LRRC3: variants seen among roughly 807,000 people sequenced by gnomAD.
The protein encoded by LRRC3 is leucine-rich repeat-containing protein 3.
For synonymous variants in LRRC3, 172 were observed against 164.1 expected, an observed-to-expected ratio of 1.05 and a Z score of -0.37; for missense variants, 351 against 361.6, an observed-to-expected ratio of 0.97 and a Z score of 0.24.
At chr21:44,456,058 G>A (rs1191571609) in intron 1 of LRRC3, among the ~76,000 whole-genome samples, 1 of 152,204 alleles carries the variant, frequency 6.6e-6, no homozygotes, top group Non-Finnish European at 1.5e-5. Flanking sequence ...GCGAGCGCCC[G>A]CTGGTGCCCG....
Position 44,461,238 on chromosome 21 carries a change from G to C in LRRC3, c.*3820G>C, listed in dbSNP as rs1364313137. 3 of 152,536 alleles carry C rather than the reference G, an allele frequency of 2.0e-5. No individual in the cohort carries two copies. Among genetic ancestry groups the C allele is most frequent in the Non-Finnish European group, 4.4e-5 (3 of 68,278 alleles). 9.4% of individuals were successfully genotyped at this position (152,536 alleles called of 1,614,324 possible). A position where few individuals can be genotyped will look rare whatever the true frequency, so the allele number is the denominator to read the frequency against. ...CACTCACGGCGCAGGCCCCACAGGA[G>C]CTGGCTGGAGGCTATGGGTGCGGGG... On this transcript the variant is annotated 3_prime_UTR_variant, in exon 2 of 2. Coordinates refer to ENST00000291592, the MANE Select transcript of LRRC3 (RefSeq NM_030891.6).
intron 1 of LRRC3, among the ~76,000 whole-genome samples, 194 bp downstream of exon 1, chr21:44,455,849 G>A (rs2051695071): frequency 6.6e-6 from 1 of 151,954 alleles, no homozygotes; most frequent in African/African-American, 2.4e-5. Flanking sequence ...CACGCCCAGC[G>A]CGGGCCGCGC....
Position 44,457,012 on chromosome 21 carries a change from A to C in LRRC3, c.368A>C (p.Asn123Thr). 2.5e-6 allele frequency: 4 copies of C among 1,606,162 alleles called. No individual in the cohort carries two copies. Among genetic ancestry groups the C allele is most frequent in the Non-Finnish European group, 3.4e-6 (4 of 1,179,724 alleles). ...CTGCGGCTGCTGGACCTGTCTTACA[A>C]CCGCATCCAGAGGATCCCCAAGGAC... ...GGLRLLDLSY[N>T]RIQRIPKDAL... Residue 123 changes from asparagine to threonine, a missense_variant, in exon 2 of 2, where the codon AAC becomes ACC. Coordinates refer to ENST00000291592, the MANE Select transcript of LRRC3 (RefSeq NM_030891.6).
rs1417070494 is a variant in LRRC3, at chr21:44,461,734, GGCAGCTCCTCCCGGGTGTCT to G, written c.*4320_*4339del. Reference sequence around the variant, plus strand: ...GGTCTGGAGTGGGGCTGCCGTCTTGGGCAGCTCCTCCCGGGTGTCTGCAAAATGCAGAGGTCACCAGAGCC... The same window carrying G: ...GGTCTGGAGTGGGGCTGCCGTCTTGGGCAAAATGCAGAGGTCACCAGAGCC... On this transcript the variant is annotated 3_prime_UTR_variant, in exon 2 of 2. Coordinates refer to ENST00000291592, the MANE Select transcript of LRRC3 (RefSeq NM_030891.6). The G allele has an allele frequency of 6.6e-6, 1 of 152,302 alleles. No individual in the cohort carries two copies. The highest frequency in any genetic ancestry group is 1.5e-5 in the Non-Finnish European group (1 of 68,100). 9.4% of individuals were successfully genotyped at this position (152,302 alleles called of 1,614,324 possible). A position where few individuals can be genotyped will look rare whatever the true frequency, so the allele number is the denominator to read the frequency against.
In LRRC3 at chr21:44,456,520, GCTTCTC is replaced by G; in HGVS notation, c.-123_-118del. 9.6e-7 allele frequency: 1 copy of G among 1,036,366 alleles called. No homozygotes were observed. The highest frequency in any genetic ancestry group is 1.4e-6 in the Non-Finnish European group (1 of 711,448). The allele number at this position is 1,036,366 out of a possible 1,614,324, so 64.2% of individuals were successfully genotyped here. A position where few individuals can be genotyped will look rare whatever the true frequency, so the allele number is the denominator to read the frequency against. On this transcript the variant is annotated 5_prime_UTR_variant, in exon 2 of 2. Transcript: ENST00000291592. ...CAGAGCTGCCAGAGTGGACTGCACT[GCTTCTC>G]CCAGCGGGGCAGGATGGCGGTTTCA...
rs551964762 is a variant in LRRC3 at position 44,458,833 on chromosome 21, G to T, written c.*1415G>T. ...AAGTGTAGGTATGTAGAGATGCTTC[G>T]CCAAACAGATGCTTAAAAATGAATG... On this transcript the variant is annotated 3_prime_UTR_variant, in exon 2 of 2. Transcript: ENST00000291592. 1.2e-5 allele frequency: 2 copies of T among 167,146 alleles called. No individual in the cohort carries two copies. The highest frequency in any genetic ancestry group is 4.8e-5 in the African/African-American group (2 of 41,544). The allele number at this position is 167,146 out of a possible 1,614,324, so 10.4% of individuals were successfully genotyped here. A position where few individuals can be genotyped will look rare whatever the true frequency, so the allele number is the denominator to read the frequency against.
rs780777807 is a variant in LRRC3, at chr21:44,457,041, C to T, written c.397C>T (p.Leu133=). The change falls in exon 2 of 2, where the codon CTG becomes TTG. Residue 133 remains leucine, a synonymous_variant. Coordinates refer to ENST00000291592, the MANE Select transcript of LRRC3 (RefSeq NM_030891.6). ...CATCCAGAGGATCCCCAAGGACGCC[C>T]TGGGCAAACTCAGCGCCAAGATACG... The part of the protein sequence containing the change: ...NRIQRIPKDA[L]GKLSAKIRLS... 4 of 1,606,290 alleles carry T rather than the reference C, an allele frequency of 2.5e-6. No homozygotes were observed. The highest frequency in any genetic ancestry group is 1.1e-5 in the South Asian group (1 of 91,018).
chr21:44,455,820 C>T (rs1456895171), intron 1 of LRRC3, among the ~76,000 whole-genome samples, 165 bp downstream of exon 1: 1 of 151,902 alleles, frequency 6.6e-6, no homozygotes, highest in African/African-American at 2.4e-5. Context: ...CGGCCGGCTC[C>T]GCGCGCGGCC....
chr21:44,456,791 C>T lies in LRRC3; in HGVS notation c.147C>T (p.Phe49=), dbSNP rs755936587. The T allele has an allele frequency of 2.5e-6, 4 of 1,611,646 alleles. No individual in the cohort carries two copies. The highest frequency in any genetic ancestry group is 3.4e-6 in the Non-Finnish European group (4 of 1,179,876). ...CPDHAGAVAV[F]CSLRGLQEVP... is the part of the protein sequence containing the mutation. ...ACCACGCAGGGGCTGTGGCTGTCTT[C>T]TGCAGCTTGCGGGGCCTTCAGGAGG... Residue 49 remains phenylalanine (F), a synonymous_variant, in exon 2 of 2, where the codon TTC becomes TTT. Coordinates refer to ENST00000291592, the MANE Select transcript of LRRC3 (RefSeq NM_030891.6).
In LRRC3 at chr21:44,457,116, T is replaced by A; in HGVS notation, c.472T>A (p.Trp158Arg). The A allele has an allele frequency of 6.2e-7, 1 of 1,612,308 alleles. No individual in the cohort carries two copies. Among genetic ancestry groups the A allele is most frequent in the Middle Eastern group, 1.7e-4 (1 of 6,056 alleles). Residue 158 changes from tryptophan (W) to arginine (R), a missense_variant, in exon 2 of 2, where the codon TGG becomes AGG. Coordinates refer to ENST00000291592, the MANE Select transcript of LRRC3 (RefSeq NM_030891.6). Reference protein sequence around the residue: ...HCECALQEALWELKLDPDSVD... With the variant: ...HCECALQEALRELKLDPDSVD... ...CGAGTGCGCCCTGCAGGAGGCCCTG[T>A]GGGAGCTGAAGCTGGACCCCGACTC...
chr21:44,460,438 C>T lies in LRRC3; in HGVS notation c.*3020C>T, dbSNP rs775091338. 1 of 152,444 alleles carries T rather than the reference C, an allele frequency of 6.6e-6. No individual in the cohort carries two copies. Among genetic ancestry groups the T allele is most frequent in the Non-Finnish European group, 1.5e-5 (1 of 68,210 alleles). The allele number at this position is 152,444 out of a possible 1,614,324, so 9.4% of individuals were successfully genotyped here. On this transcript the variant is annotated 3_prime_UTR_variant, in exon 2 of 2. Transcript: ENST00000291592. ...ATGCTGCACTGATTGCAAGAGTTTC[C>T]CACATCTGCAGAGGCCGTGGGCTCA...
In LRRC3 at chr21:44,456,967, T is replaced by A; in HGVS notation, c.323T>A (p.Phe108Tyr). ...NAIEAIGSAT[F>Y]AGLAGGLRLL... ...ATCGAGGCCATCGGCTCCGCCACCT[T>A]CGCGGGCCTGGCCGGGGGCCTGCGG... is the stretch of plus-strand genomic sequence containing the variant. Residue 108 changes from phenylalanine to tyrosine, a missense_variant, in exon 2 of 2, where the codon TTC (phenylalanine) becomes TAC (tyrosine). Coordinates refer to ENST00000291592, the MANE Select transcript of LRRC3 (RefSeq NM_030891.6). 6.2e-7 allele frequency: 1 copy of A among 1,607,928 alleles called. No individual in the cohort carries two copies. The highest frequency in any genetic ancestry group is 1.1e-5 in the South Asian group (1 of 91,042).
In LRRC3 at chr21:44,456,825, G is replaced by A. The variant is rs1281636548; in HGVS notation, c.181G>A (p.Asp61Asn). ...SLRGLQEVPE[D>N]IPANTVLLKL... ...GCGGGGCCTTCAGGAGGTCCCCGAG[G>A]ACATCCCGGCCAACACCGTGCTCCT... Residue 61 changes from aspartate (D) to asparagine (N), a missense_variant, in exon 2 of 2, where the codon GAC (aspartate) becomes AAC (asparagine). Physicochemically the swap from Asp to Asn is conservative, Grantham distance 23 (BLOSUM62 1). Transcript: ENST00000291592. 1 of 1,611,906 alleles carries A rather than the reference G, an allele frequency of 6.2e-7. No individual in the cohort carries two copies. The highest frequency in any genetic ancestry group is 1.7e-5 in the Admixed American group (1 of 59,986).
rs1420950764 is a variant in LRRC3 at position 44,457,589 on chromosome 21, G to C, written c.*171G>C. On this transcript the variant is annotated 3_prime_UTR_variant, in exon 2 of 2. Coordinates refer to ENST00000291592, the MANE Select transcript of LRRC3 (RefSeq NM_030891.6). ...CTGGGTGGTTTTGCCACACATCCGTGTGACGGATGAGGAACCTGAAGCTTA... is the reference window on the plus strand; with the variant it reads ...CTGGGTGGTTTTGCCACACATCCGTCTGACGGATGAGGAACCTGAAGCTTA... 2.9e-6 allele frequency: 2 copies of C among 680,098 alleles called. No homozygotes were observed. The highest frequency in any genetic ancestry group is 4.9e-6 in the Non-Finnish European group (2 of 407,356). The allele number at this position is 680,098 out of a possible 1,614,324, so 42.1% of individuals were successfully genotyped here. A position where few individuals can be genotyped will look rare whatever the true frequency, so the allele number is the denominator to read the frequency against.
chr21:44,456,778 C>T lies in LRRC3; in HGVS notation c.134C>T (p.Ala45Val), dbSNP rs2051704533. Residue 45 changes from alanine (A) to valine (V), a missense_variant, in exon 2 of 2, where the codon GCT (alanine) becomes GTT (valine). Physicochemically the swap from Ala to Val is moderately conservative, Grantham distance 64. Transcript: ENST00000291592. ...QPCRCPDHAG[A>V]VAVFCSLRGL... ...TGCCGGTGCCCTGACCACGCAGGGG[C>T]TGTGGCTGTCTTCTGCAGCTTGCGG... is the stretch of plus-strand genomic sequence containing the variant. The T allele has an allele frequency of 1.2e-6, 2 of 1,611,140 alleles. No homozygotes were observed. The highest frequency in any genetic ancestry group is 1.6e-4 in the Middle Eastern group (1 of 6,062).
rs1287417981 is a variant in LRRC3 at position 44,459,367 on chromosome 21, T to C, written c.*1949T>C. 6.6e-6 allele frequency: 1 copy of C among 152,228 alleles called. No individual in the cohort carries two copies. Among genetic ancestry groups the C allele is most frequent in the African/African-American group, 2.4e-5 (1 of 41,448 alleles). 9.4% of individuals were successfully genotyped at this position (152,228 alleles called of 1,614,324 possible). On this transcript the variant is annotated 3_prime_UTR_variant, in exon 2 of 2. Coordinates refer to ENST00000291592, the MANE Select transcript of LRRC3 (RefSeq NM_030891.6). ...TCCAGAGGACACGTGGCTGAAAGCATAGGATAAGGATGTATAGGTGAATGA... is the reference window on the plus strand; with the variant it reads ...TCCAGAGGACACGTGGCTGAAAGCACAGGATAAGGATGTATAGGTGAATGA...
At chr21:44,456,371 C>T (rs1448132995) in intron 1 of LRRC3, 127 bp from the exon 2 acceptor site, 1 of 481,712 alleles carries the variant, frequency 2.1e-6, no homozygotes, top group East Asian at 3.4e-5. Flanking sequence ...GCGTGCTCCC[C>T]ACCCCAGACC....
rs61735248 is a variant in LRRC3 at position 44,456,969 on chromosome 21, G to A, written c.325G>A (p.Ala109Thr). Residue 109 changes from alanine to threonine, a missense_variant, in exon 2 of 2, where the codon GCG becomes ACG. Transcript: ENST00000291592. Reference sequence around the variant, plus strand: ...CGAGGCCATCGGCTCCGCCACCTTCGCGGGCCTGGCCGGGGGCCTGCGGCT... The same window carrying A: ...CGAGGCCATCGGCTCCGCCACCTTCACGGGCCTGGCCGGGGGCCTGCGGCT... ...AIEAIGSATF[A>T]GLAGGLRLLD... The A allele has an allele frequency of 5.6e-3, 9,000 of 1,607,658 alleles. 465 individuals are homozygous for A. In the African/African-American group the frequency reaches 0.11, roughly 19 times the overall value.
chr21:44,456,266 C>T (rs995403887), intron 1 of LRRC3, among the ~76,000 whole-genome samples: 1 of 152,210 alleles, frequency 6.6e-6, no homozygotes, highest in Non-Finnish European at 1.5e-5. Context: ...ATGCGGAGCC[C>T]CCTGGCAGTG....
Sources: allele counts gnomAD v4.1 joint callset (sites outside exome capture counted in the v4.1 genomes callset), GRCh38; gene constraint gnomAD v4.1.1; transcripts MANE v1.5; gene names NCBI Gene and HGNC (gene_info 2026-07-23, HGNC 2026-07-21).